Variants in NUDC observed in about 807,000 individuals in gnomAD.
NUDC encodes nuclear distribution C, dynein complex regulator, also known as nuclear migration protein nudC.
Under a neutral mutation model 45.0 loss-of-function variants are expected in NUDC, and 14 were observed. The ratio of observed to expected loss-of-function variants is 0.31; its 90% CI spans 0.21 to 0.49. The LOEUF is 0.49. Among genes scored for constraint, NUDC ranks in the 20% least tolerant of loss-of-function variants. The probability of loss-of-function intolerance (pLI) is 0.99; values close to 1 mark genes in which losing one functional copy is unlikely to be tolerated. For synonymous variants in NUDC, 153 were observed against 156.7 expected (o/e 0.98, Z 0.17); for missense variants, 323 against 426.2 (o/e 0.76, Z 2.13).
chr1:26,944,498 C>G (rs1557682407), intron 6 of NUDC, among the ~76,000 whole-genome samples: 1 of 152,166 alleles, frequency 6.6e-6, no homozygotes, highest in African/African-American at 2.4e-5. Flanking sequence ...GCACCTGGCA[C>G]TTCCCTGCTT....
rs2082319552 is a variant in NUDC at position 26,946,637 on chromosome 1, A to G, written c.*456A>G. The G allele has an allele frequency of 4.5e-6, 1 of 222,442 alleles. No individual in the cohort carries two copies. Among genetic ancestry groups the G allele is most frequent in the South Asian group, 6.6e-5 (1 of 15,162 alleles). 13.8% of individuals were successfully genotyped at this position (222,442 alleles called of 1,614,324 possible). The stretch of plus-strand genomic sequence containing the variant: ...GAGGCTGAGGGGAGCAGATCACCTG[A>G]TGTCAGGAGTTTGAGACCAGCTTGG... On this transcript the variant is annotated 3_prime_UTR_variant, in exon 9 of 9. Coordinates refer to ENST00000321265, the MANE Select transcript of NUDC (RefSeq NM_006600.4).
chr1:26,941,065 G>GC (rs1484601166), intron 2 of NUDC, among the ~76,000 whole-genome samples: 1 of 146,740 alleles, frequency 6.8e-6, no homozygotes, highest in African/African-American at 2.5e-5. Context: ...GGGATTACAG[G>GC]CCCCCGCCAC....
At chr1:26,914,018 T>C in intron 3 of NUDC, 1 of 1,218,136 alleles carries the variant, frequency 8.2e-7, no homozygotes, top group Non-Finnish European at 1.1e-6. Context: ...TCCCAGTGAG[T>C]GGAACGGGGG....
intron 1 of NUDC, chr1:26,902,278 C>CTTCT: frequency 6.6e-6 from 1 of 152,370 alleles, no homozygotes; most frequent in African/African-American, 2.4e-5. Context: ...TCTCCTTCCC[C>CTTCT]CAGCTTCCCG....
intron 2 of NUDC, among the ~76,000 whole-genome samples, chr1:26,933,868 A>T (rs185452372): frequency 2.0e-5 from 3 of 152,182 alleles, no homozygotes; most frequent in Admixed American, 6.5e-5. Flanking sequence ...AGAAAAGAGG[A>T]TTACGGCTGG....
chr1:26,922,063 C>T (rs1207336399), intron 1 of NUDC, 134 bp downstream of exon 1: 6 of 926,024 alleles, frequency 6.5e-6, no homozygotes, highest in South Asian at 1.5e-5. Flanking sequence ...TCACTGCGCC[C>T]AGCTTCCGGC....
rs538918243 is a variant in NUDC, at chr1:26,921,791, G to T, written c.-58G>T. The T allele has an allele frequency of 4.4e-5, 67 of 1,516,908 alleles. No individual in the cohort carries two copies. The highest frequency in any genetic ancestry group is 8.4e-5 in the South Asian group (7 of 83,320). 94.0% of individuals were successfully genotyped at this position (1,516,908 alleles called of 1,614,324 possible). On this transcript the variant is annotated 5_prime_UTR_variant, in exon 1 of 9. Coordinates refer to ENST00000321265, the MANE Select transcript of NUDC (RefSeq NM_006600.4). Reference sequence around the variant, plus strand: ...GTTGGGCCCGGCGCGACCCGCAGGAGCGTAGAGAGCGCGGGACTAGAGTGC... The same window carrying T: ...GTTGGGCCCGGCGCGACCCGCAGGATCGTAGAGAGCGCGGGACTAGAGTGC...
intron 3 of NUDC, among the ~76,000 whole-genome samples, chr1:26,912,347 C>T (rs1372496895): frequency 6.6e-6 from 1 of 152,112 alleles, no homozygotes; most frequent in Non-Finnish European, 1.5e-5. Context: ...AGCACTGTCA[C>T]TTATTAGCTG....
At chr1:26,914,667 T>C (rs548563285) in intron 3 of NUDC, among the ~76,000 whole-genome samples, 1 of 152,214 alleles carries the variant, frequency 6.6e-6, no homozygotes, top group Non-Finnish European at 1.5e-5. Flanking sequence ...CACAGAATTA[T>C]AATAAAAGAT....
At chr1:26,919,585 C>T (rs2082079120), upstream of NUDC, among the ~76,000 whole-genome samples, 1 of 152,172 alleles carries the variant, frequency 6.6e-6, no homozygotes, top group Non-Finnish European at 1.5e-5. Flanking sequence ...TCATGAGGTA[C>T]AGCAAATGGT....
chr1:26,900,205 G>C (rs754502927), upstream of NUDC: 4 of 1,614,164 alleles, frequency 2.5e-6, no homozygotes, highest in East Asian at 8.9e-5. Context: ...GCCGAAGTCT[G>C]AGAGAGAAGC....
intron 2 of NUDC, chr1:26,911,025 C>T (rs2082023134): frequency 2.3e-6 from 1 of 429,932 alleles, no homozygotes; most frequent in Non-Finnish European, 4.8e-6. Flanking sequence ...TCCAGCTAAA[C>T]CTTGGTCTGC....
chr1:26,913,338 T>G (rs1411495556), intron 3 of NUDC: 13 of 1,412,258 alleles, frequency 9.2e-6, no homozygotes, highest in Non-Finnish European at 1.3e-5. Flanking sequence ...TATCAAACCC[T>G]TAGAAGCTAC....
chr1:26,909,311 T>C (rs1427025255), intron 2 of NUDC, among the ~76,000 whole-genome samples: 2 of 151,658 alleles, frequency 1.3e-5, no homozygotes, highest in Non-Finnish European at 2.9e-5. Context: ...GAGGCAGGAG[T>C]CTCATTACAT....
At chr1:26,902,185 C>A (rs926761486) in intron 1 of NUDC, 1 of 152,158 alleles carries the variant, frequency 6.6e-6, no homozygotes, top group Non-Finnish European at 1.5e-5. Flanking sequence ...GACACAGACT[C>A]CATATTCCAA....
intron 3 of NUDC, among the ~76,000 whole-genome samples, chr1:26,916,630 A>T (rs183183901): frequency 1.4e-4 from 22 of 152,240 alleles, no homozygotes; most frequent in African/African-American, 5.3e-4. Flanking sequence ...AATAATATTT[A>T]GAAAGCATGA....
intron 2 of NUDC, among the ~76,000 whole-genome samples, chr1:26,934,710 AG>A (rs1197449886): frequency 6.8e-6 from 1 of 147,466 alleles, no homozygotes; most frequent in African/African-American, 2.5e-5. Flanking sequence ...CCCGGGCTGG[AG>A]TGCAGTGGTG....
chr1:26,933,012 C>G (rs112249251), intron 2 of NUDC, among the ~76,000 whole-genome samples: 2,098 of 151,988 alleles, frequency 0.014, 46 homozygotes, highest in African/African-American at 0.048. Flanking sequence ...TTCTTGCCCA[C>G]GCTGGAGTGC....
chr1:26,934,165 AAG>A (rs948980636), intron 2 of NUDC, among the ~76,000 whole-genome samples: 1 of 152,256 alleles, frequency 6.6e-6, no homozygotes, highest in Non-Finnish European at 1.5e-5. Flanking sequence ...GAAGAAAAAA[AAG>A]AGGTTTAATT....
Sources: allele counts gnomAD v4.1 joint callset (sites outside exome capture counted in the v4.1 genomes callset), GRCh38; gene constraint gnomAD v4.1.1; transcripts MANE v1.5; gene names NCBI Gene and HGNC (gene_info 2026-07-23, HGNC 2026-07-21).